Variants in ADAMTSL2 observed in about 807,000 individuals in gnomAD.
ADAMTSL2 encodes the protein ADAMTS like 2, also known as ADAMTS-like protein 2.
A neutral mutation model predicts 117.0 loss-of-function variants in ADAMTSL2; 55 were observed. That is an observed-to-expected ratio of 0.47 (90% CI 0.38 to 0.59). The LOEUF is 0.59. Among genes scored for constraint, ADAMTSL2 ranks in the 20% least tolerant of loss-of-function variants. The pLI, the probability that ADAMTSL2 is intolerant of heterozygous loss-of-function variation, is 0.00. For synonymous variants in ADAMTSL2, 572 were observed against 566.4 expected, an observed-to-expected ratio of 1.01 and a Z score of -0.14; for missense variants, 1,182 against 1,354.5, an observed-to-expected ratio of 0.87 and a Z score of 2.00.
At chr9:133,548,362 C>T (rs190210464) in intron 9 of ADAMTSL2, among the ~76,000 whole-genome samples, 11 of 152,326 alleles carry the variant, frequency 7.2e-5, no homozygotes, top group African/African-American at 1.7e-4. Context: ...ATGGGGGCCA[C>T]GCATCTCTGT....
intron 7 of ADAMTSL2, among the ~76,000 whole-genome samples, chr9:133,542,600 G>A (rs757995291): frequency 2.0e-4 from 31 of 152,178 alleles, no homozygotes; most frequent in Admixed American, 5.2e-4. Flanking sequence ...ACTCATTCAC[G>A]CCTGGCAACA....
intron 16 of ADAMTSL2, 56 bp from the exon 17 acceptor site, chr9:133,570,275 T>G: frequency 2.0e-6 from 3 of 1,525,898 alleles, no homozygotes; most frequent in Non-Finnish European, 1.8e-6. Flanking sequence ...GTGGGCCCTG[T>G]GTGTAGGGTC....
intron 7 of ADAMTSL2, among the ~76,000 whole-genome samples, chr9:133,543,719 C>T (rs11537116): frequency 0.35 from 53,211 of 152,162 alleles, 9,837 homozygotes; most frequent in East Asian, 0.45. Context: ...AGGAAACGTC[C>T]GACCTGGAGA....
At position 133,540,158 on chromosome 9, in the gene ADAMTSL2, C is replaced by T. The variant is rs143780190; in HGVS notation, c.412+285C>T. Among the ~76,000 whole-genome samples the T allele has an allele frequency of 5.1e-3, 776 of 152,296 alleles. 6 individuals are homozygous for T. The highest frequency in any genetic ancestry group is 0.01 in the Middle Eastern group (3 of 294). On this transcript the variant is annotated intron_variant, in intron 5 of 18. Coordinates refer to ENST00000651351, the MANE Select transcript of ADAMTSL2 (RefSeq NM_014694.4). The stretch of plus-strand genomic sequence containing the variant: ...GCTCACTTACTTACTGGCTCCTGGG[C>T]ACAGACAGGAACCAGCCTAGACGAT...
Position 133,568,437 on chromosome 9 carries a change from G to A in ADAMTSL2, c.2039G>A (p.Cys680Tyr). ...GTGCGGCCCGAGGAACGCAAGACCTGCCGGAACCCCGCCTGCGGGCCCCAG... is the reference window on the plus strand; with the variant it reads ...GTGCGGCCCGAGGAACGCAAGACCTACCGGAACCCCGCCTGCGGGCCCCAG... ...EAVRPEERKT[C>Y]RNPACGPQWE... Residue 680 changes from cysteine (C) to tyrosine (Y), a missense_variant, in exon 14 of 19, where the codon TGC becomes TAC. Coordinates refer to ENST00000651351, the MANE Select transcript of ADAMTSL2 (RefSeq NM_014694.4). The A allele has an allele frequency of 6.2e-7, 1 of 1,609,004 alleles. No homozygotes were observed. The highest frequency in any genetic ancestry group is 8.5e-7 in the Non-Finnish European group (1 of 1,178,566).
intron 12 of ADAMTSL2, 57 bp downstream of exon 12, chr9:133,561,352 T>C: frequency 2.0e-6 from 3 of 1,485,802 alleles, no homozygotes; most frequent in South Asian, 1.2e-5. Context: ...TCCATGGACA[T>C]GGGCTGGGGC....
At chr9:133,569,704 A>G (rs1475762871) in intron 16 of ADAMTSL2, 126 bp downstream of exon 16, 2 of 970,500 alleles carry the variant, frequency 2.1e-6, no homozygotes, top group Non-Finnish European at 3.1e-6. Context: ...TTATGAAGGG[A>G]CAATTCCCTA....
upstream of ADAMTSL2, among the ~76,000 whole-genome samples, chr9:133,533,722 G>T (rs964146662): frequency 6.6e-6 from 1 of 152,066 alleles, no homozygotes; most frequent in Non-Finnish European, 1.5e-5. Flanking sequence ...CAGAGGGAAG[G>T]AGAAGTGTCT....
Position 133,574,838 on chromosome 9 carries a change from C to A in ADAMTSL2, c.2830C>A (p.Arg944Ser). ...GHWYYSKACCRSCRPPHS is the reference protein window; with the variant it reads ...GHWYYSKACCSSCRPPHS The stretch of plus-strand genomic sequence containing the variant: ...CTGGTACTACAGCAAGGCGTGCTGC[C>A]GCTCCTGCAGGCCCCCCCACTCCTA... The change falls in exon 19 of 19, where the codon CGC becomes AGC. Residue 944 changes from arginine to serine, a missense_variant. Arg to Ser is a moderately radical substitution (Grantham distance 110, BLOSUM62 -1). Coordinates refer to ENST00000651351, the MANE Select transcript of ADAMTSL2 (RefSeq NM_014694.4). 6.2e-7 allele frequency: 1 copy of A among 1,613,422 alleles called. No individual in the cohort carries two copies. Among genetic ancestry groups the A allele is most frequent in the East Asian group, 2.2e-5 (1 of 44,874 alleles).
rs969666966 is a variant in ADAMTSL2 at position 133,554,836 on chromosome 9, C to G, written c.1276+143C>G. ...CAGCTACCTGCAGATGTCCTCTGGG[C>G]AGGCACAGGGTTGAGGACTTGGGAT... On this transcript the variant is annotated intron_variant, in intron 10 of 18. Coordinates refer to ENST00000651351, the MANE Select transcript of ADAMTSL2 (RefSeq NM_014694.4). This position sits in a 1 kb window ranked among gnomAD's most constrained non-coding sequence, Gnocchi z 5.2. 6 of 734,188 alleles carry G rather than the reference C, an allele frequency of 8.2e-6. No individual in the cohort carries two copies. The African/African-American group carries it at 1.1e-4, about 13-fold the overall frequency. 45.5% of individuals were successfully genotyped at this position (734,188 alleles called of 1,614,324 possible).
In ADAMTSL2 at chr9:133,537,683, C is replaced by T. The variant is rs1001005542; in HGVS notation, c.233+136C>T. ...GGGTTGGGGGCAGCACAGGCTGAGT[C>T]CCCCCATCAGCCTCTGCTGGACGCG... On this transcript the variant is annotated intron_variant, in intron 3 of 18. Coordinates refer to ENST00000651351, the MANE Select transcript of ADAMTSL2 (RefSeq NM_014694.4). 35 of 1,029,394 alleles carry T rather than the reference C, an allele frequency of 3.4e-5. No individual in the cohort carries two copies. In the African/African-American group the frequency reaches 4.7e-4, roughly 14 times the overall value. 63.8% of individuals were successfully genotyped at this position (1,029,394 alleles called of 1,614,324 possible).
intron 9 of ADAMTSL2, among the ~76,000 whole-genome samples, chr9:133,553,856 G>A (rs1056345702): frequency 6.6e-6 from 1 of 152,216 alleles, no homozygotes; most frequent in African/African-American, 2.4e-5. Flanking sequence ...CCTGGAGCGG[G>A]GATGAGCCTT....
chr9:133,561,856 A>G (rs1830736333), intron 12 of ADAMTSL2, among the ~76,000 whole-genome samples: 2 of 152,192 alleles, frequency 1.3e-5, no homozygotes, highest in Non-Finnish European at 2.9e-5. Flanking sequence ...CACGGCCACC[A>G]TCGCCCTGAG....
At chr9:133,563,844 G>GAGAGAGAGAGAGAGAGAGAGAGAGA (rs1830815796) in intron 12 of ADAMTSL2, among the ~76,000 whole-genome samples, 1 of 29,384 alleles carries the variant, frequency 3.4e-5, no homozygotes, top group Non-Finnish European at 6.3e-5. Flanking sequence ...AGAGAGAGAG[G>GAGAGAGAGAGAGAGAGAGAGAGAGA]GAGAGAGAGA....
chr9:133,545,799 G>A (rs1830333791), intron 8 of ADAMTSL2, among the ~76,000 whole-genome samples: 1 of 152,144 alleles, frequency 6.6e-6, no homozygotes, highest in Non-Finnish European at 1.5e-5. Context: ...ACAGGTTTTG[G>A]ACGAGAGCCT....
chr9:133,564,409 GGAGAGAGAGAGGGAGA>G (rs1830882391), intron 12 of ADAMTSL2, among the ~76,000 whole-genome samples: 1 of 7,980 alleles, frequency 1.3e-4, no homozygotes, highest in East Asian at 0.011. Flanking sequence ...AGAGAGAGAG[GGAGAGAGAGAGGGAGA>G]GAGAGAGGGA....
At chr9:133,538,657 C>T (rs373566000) in intron 4 of ADAMTSL2, among the ~76,000 whole-genome samples, 28 of 152,152 alleles carry the variant, frequency 1.8e-4, no homozygotes, top group South Asian at 4.2e-4. Flanking sequence ...AATGCTGGGA[C>T]GGGCGGACTC....
chr9:133,553,095 C>T (rs1253979811), intron 9 of ADAMTSL2, among the ~76,000 whole-genome samples: 3 of 152,042 alleles, frequency 2.0e-5, no homozygotes, highest in East Asian at 1.9e-4. Flanking sequence ...CCCGCGTGGC[C>T]GTGAAGGCAG....
intron 14 of ADAMTSL2, 33 bp from the exon 15 acceptor site, chr9:133,568,570 C>T (rs1831030902): frequency 6.4e-7 from 1 of 1,554,730 alleles, no homozygotes; most frequent in South Asian, 1.2e-5. Context: ...ACCTGTGTCA[C>T]ACCCCCCCTG....
Sources: gnomAD v4.1 joint callset for allele counts (sites outside exome capture counted in the v4.1 genomes callset) on GRCh38, gnomAD v4.1.1 for gene constraint, Gnocchi (gnomAD v3.1) non-coding constraint, MANE v1.5 for transcripts, NCBI Gene and HGNC (gene_info 2026-07-23, HGNC 2026-07-21) for gene names.